Variants in LCORL observed in about 807,000 individuals in gnomAD.
The protein encoded by LCORL is ligand dependent nuclear receptor corepressor like.
Under a neutral mutation model 141.8 loss-of-function variants are expected in LCORL, and 41 were observed. That is an observed-to-expected ratio of 0.29 (90% confidence interval 0.23 to 0.38). The LOEUF (loss-of-function observed/expected upper bound fraction) is 0.38, where lower values mean the gene tolerates loss of function less well. Ranked by LOEUF, LCORL falls within the 10% of genes least tolerant of loss-of-function variation. The probability of loss-of-function intolerance (pLI) is 1.00; values close to 1 mark genes in which losing one functional copy is unlikely to be tolerated. For synonymous variants in LCORL, 618 were observed against 694.1 expected, an observed-to-expected ratio of 0.89 and a Z score of 1.72; for missense variants, 1,759 against 2,035.0, an observed-to-expected ratio of 0.86 and a Z score of 2.61.
At chr4:17,892,667 CATTT>C (rs1729296906) in intron 5 of LCORL, among the ~76,000 whole-genome samples, 1 of 152,028 alleles carries the variant, frequency 6.6e-6, no homozygotes, top group African/African-American at 2.4e-5. Context: ...AAGATGTAAA[CATTT>C]ATAATAGCAA....
chr4:18,018,892 C>CAT (rs1210947145), intron 1 of LCORL, among the ~76,000 whole-genome samples: 1 of 152,090 alleles, frequency 6.6e-6, no homozygotes, highest in Non-Finnish European at 1.5e-5. Flanking sequence ...TATGTGTACG[C>CAT]ATATATATTC....
intron 4 of LCORL, among the ~76,000 whole-genome samples, chr4:17,943,886 T>A (rs955950618): frequency 2.0e-5 from 3 of 152,174 alleles, no homozygotes; most frequent in African/African-American, 7.2e-5. Context: ...GCCAGACCCA[T>A]TATATACTTC....
intron 5 of LCORL, among the ~76,000 whole-genome samples, chr4:17,888,114 C>G (rs1728547472): frequency 1.3e-5 from 2 of 152,034 alleles, no homozygotes; most frequent in African/African-American, 4.8e-5. Context: ...AGGCAGAGAC[C>G]ATGCATATTT....
intron 2 of LCORL, among the ~76,000 whole-genome samples, chr4:17,967,718 T>C (rs1185440027): frequency 6.6e-6 from 1 of 152,224 alleles, no homozygotes; most frequent in East Asian, 1.9e-4. Flanking sequence ...CTCCAGTCTT[T>C]GTATTACAAG....
intron 5 of LCORL, among the ~76,000 whole-genome samples, chr4:17,894,091 G>A (rs1395041037): frequency 1.3e-5 from 2 of 152,080 alleles, no homozygotes; most frequent in South Asian, 2.1e-4. Flanking sequence ...GAGCCACCAC[G>A]CCTGGCCATG....
rs188183485 is a variant in LCORL at position 17,926,438 on chromosome 4, G to C, written c.431-17093C>G. On this transcript the variant is annotated intron_variant, in intron 4 of 7. Transcript: ENST00000635767. ...CCTGTGCTGGAAGCTTCCTGCCCTC[G>C]AATGTCAAACTCCAAGTTCTTCAGC... Among the ~76,000 whole-genome samples the C allele has an allele frequency of 4.7e-3, 721 of 152,252 alleles. 6 individuals are homozygous for C. The highest frequency in any genetic ancestry group is 0.023 in the South Asian group (112 of 4,816).
intron 1 of LCORL, among the ~76,000 whole-genome samples, chr4:17,997,773 T>C (rs1181798794): frequency 1.4e-5 from 2 of 138,046 alleles, no homozygotes; most frequent in East Asian, 2.0e-4. Context: ...ATACTACCAT[T>C]ATTGTTTGTT....
intron 2 of LCORL, among the ~76,000 whole-genome samples, chr4:17,965,206 T>C (rs1714632624): frequency 6.6e-6 from 1 of 152,154 alleles, no homozygotes; most frequent in Non-Finnish European, 1.5e-5. Context: ...TGTATAGCTT[T>C]ATAGCTTTAC....
At chr4:17,934,691 G>T (rs1040753396) in intron 4 of LCORL, among the ~76,000 whole-genome samples, 1 of 152,144 alleles carries the variant, frequency 6.6e-6, no homozygotes, top group African/African-American at 2.4e-5. Flanking sequence ...CAGATCTGCA[G>T]AATTATGGAG....
intron 7 of LCORL, among the ~76,000 whole-genome samples, chr4:17,856,162 A>AT (rs1423839128): frequency 6.6e-6 from 1 of 152,242 alleles, no homozygotes; most frequent in Non-Finnish European, 1.5e-5. Context: ...TGACACATTG[A>AT]TAATTCCAAT....
exon 8 of LCORL, chr4:17,841,671 G>A (rs1722421557): frequency 6.6e-6 from 1 of 151,712 alleles, no homozygotes; most frequent in African/African-American, 2.4e-5. Context: ...TATTCATATT[G>A]TTTTATTCCT....
Position 17,961,888 on chromosome 4 carries a change from G to GC in LCORL, c.430+14dup. The GC allele has an allele frequency of 6.3e-7, 1 of 1,593,596 alleles. No homozygotes were observed. Among genetic ancestry groups the GC allele is most frequent in the Non-Finnish European group, 8.5e-7 (1 of 1,172,022 alleles). On this transcript the variant is annotated intron_variant, in intron 4 of 7. Transcript: ENST00000635767. Reference sequence around the variant, plus strand: ...TCTATTGCAAATTTTAAATGACAAAGCATACCAATATTACCTTTCTTTCGA... The same window carrying GC: ...TCTATTGCAAATTTTAAATGACAAAGCCATACCAATATTACCTTTCTTTCGA...
At position 17,876,183 on chromosome 4, in the gene LCORL, G is replaced by C. The variant is rs1726899783; in HGVS notation, c.2807C>G (p.Ser936Cys). 8 of 1,230,514 alleles carry C rather than the reference G, an allele frequency of 6.5e-6. No individual in the cohort carries two copies. The East Asian group carries it at 2.5e-4, about 39-fold the overall frequency. The allele number at this position is 1,230,514 out of a possible 1,614,324, so 76.2% of individuals were successfully genotyped here. Reference sequence around the variant, plus strand: ...TTTTGCTGGTACATTTTCAACACTGGAAATCAAGCGACCCATATCTAAAAT... The same window carrying C: ...TTTTGCTGGTACATTTTCAACACTGCAAATCAAGCGACCCATATCTAAAAT... The change falls in exon 7 of 8, where the codon TCC becomes TGC. Residue 936 changes from serine to cysteine, a missense_variant. Physicochemically the swap from Ser to Cys is moderately radical, Grantham distance 112. Transcript: ENST00000635767.
In LCORL at chr4:17,870,461, C is replaced by G. The variant is rs148118656; in HGVS notation, c.5602+2927G>C. On this transcript the variant is annotated intron_variant, in intron 7 of 7. Coordinates refer to ENST00000635767, the Ensembl canonical transcript of LCORL. The stretch of plus-strand genomic sequence containing the variant: ...GGAAACCTTGCCTAATTCCCTAAAT[C>G]TGAGTTCAATTCCTCTTTAATGTGC... Among the ~76,000 whole-genome samples, 398 of 152,262 alleles carry G rather than the reference C, an allele frequency of 2.6e-3. 3 individuals carry two copies. The highest frequency in any genetic ancestry group is 8.9e-3 in the African/African-American group (370 of 41,564).
chr4:18,016,437 T>C (rs950191902), intron 1 of LCORL, among the ~76,000 whole-genome samples: 2 of 152,152 alleles, frequency 1.3e-5, no homozygotes, highest in East Asian at 3.9e-4. Context: ...AATTAAGCTA[T>C]AGGTTTGGTT....
At chr4:17,854,122 T>A (rs1385198151) in intron 7 of LCORL, among the ~76,000 whole-genome samples, 2 of 152,082 alleles carry the variant, frequency 1.3e-5, no homozygotes, top group Admixed American at 6.6e-5. Flanking sequence ...GTTGGTAAGC[T>A]GGGGCAGAAG....
Position 18,021,262 on chromosome 4 carries a change from T to G in LCORL, c.154+336A>C, listed in dbSNP as rs1298644613. On this transcript the variant is annotated intron_variant, in intron 1 of 7. Transcript: ENST00000635767. The surrounding 1 kb of genome is among the most constrained non-coding windows in gnomAD (Gnocchi z 5.5). Reference sequence around the variant, plus strand: ...GGCCGCTTCCTCCGTCCTGTCAGGGTGGACGGCGGGCGACGGCGGGCAGCG... The same window carrying G: ...GGCCGCTTCCTCCGTCCTGTCAGGGGGGACGGCGGGCGACGGCGGGCAGCG... Among the ~76,000 whole-genome samples the G allele has an allele frequency of 6.6e-6, 1 of 152,028 alleles. No individual in the cohort carries two copies. Among genetic ancestry groups the G allele is most frequent in the African/African-American group, 2.4e-5 (1 of 41,406 alleles).
At chr4:17,929,853 C>G (rs191540081) in intron 4 of LCORL, among the ~76,000 whole-genome samples, 10 of 152,252 alleles carry the variant, frequency 6.6e-5, no homozygotes, top group Non-Finnish European at 1.5e-4. Context: ...TATTTCTAAA[C>G]CATGTCTTAT....
chr4:17,929,767 T>C (rs2109414636), intron 4 of LCORL, among the ~76,000 whole-genome samples: 2 of 152,234 alleles, frequency 1.3e-5, no homozygotes, highest in Middle Eastern at 6.8e-3. Context: ...TAAACTGAAC[T>C]TCATGAAAAT....
Sources: gnomAD v4.1 joint callset for allele counts (sites outside exome capture counted in the v4.1 genomes callset) on GRCh38, gnomAD v4.1.1 for gene constraint, Gnocchi (gnomAD v3.1) non-coding constraint, MANE v1.5 for transcripts, NCBI Gene and HGNC (gene_info 2026-07-23, HGNC 2026-07-21) for gene names.